The following TTC28 variants were observed in gnomAD, a reference collection of about 807,000 sequenced individuals.
The protein encoded by TTC28 is tetratricopeptide repeat domain 28.
TTC28 carries 61 observed loss-of-function variants against 198.0 expected under a neutral mutation model. That is an observed-to-expected ratio of 0.31 (90% CI 0.25 to 0.38). The LOEUF (loss-of-function observed/expected upper bound fraction) is 0.38. Among genes scored for constraint, TTC28 ranks in the 10% least tolerant of loss-of-function variants. The probability of loss-of-function intolerance (pLI) is 1.00; values close to 1 mark genes in which losing one functional copy is unlikely to be tolerated. For missense variants in TTC28, 2,678 were observed against 3,164.0 expected, an observed-to-expected ratio of 0.85 and a Z score of 3.69; for synonymous variants, 1,171 against 1,297.8, an observed-to-expected ratio of 0.90 and a Z score of 2.10.
At chr22:28,047,469 G>C (rs1411664233) in intron 12 of TTC28, among the ~76,000 whole-genome samples, 3 of 152,184 alleles carry the variant, frequency 2.0e-5, no homozygotes, top group African/African-American at 7.2e-5. Context: ...CAGACGCCAA[G>C]GGCTGAGAAG....
At chr22:28,323,188 A>T (rs1182867295) in intron 2 of TTC28, among the ~76,000 whole-genome samples, 1 of 152,108 alleles carries the variant, frequency 6.6e-6, no homozygotes, top group East Asian at 1.9e-4. Flanking sequence ...TAAATATTTA[A>T]CTCTTCAATG....
intron 13 of TTC28, among the ~76,000 whole-genome samples, chr22:28,020,920 C>T (rs1215923789): frequency 6.6e-6 from 1 of 152,134 alleles, no homozygotes; most frequent in Non-Finnish European, 1.5e-5. Flanking sequence ...ACAGACCTCC[C>T]TGTGGAGTCT....
intron 2 of TTC28, among the ~76,000 whole-genome samples, chr22:28,400,721 A>G (rs1336616366): frequency 6.6e-6 from 1 of 152,234 alleles, no homozygotes; most frequent in African/African-American, 2.4e-5. Context: ...ATTGAGATAT[A>G]TATGAATTTT....
At chr22:28,021,895 G>C (rs1938619931) in intron 13 of TTC28, among the ~76,000 whole-genome samples, 1 of 152,200 alleles carries the variant, frequency 6.6e-6, no homozygotes. Flanking sequence ...AAACTGATAT[G>C]GGGCATCTTC....
chr22:28,662,466 C>T (rs1026373972), intron 1 of TTC28, among the ~76,000 whole-genome samples: 3 of 152,210 alleles, frequency 2.0e-5, no homozygotes, highest in Non-Finnish European at 4.4e-5. Context: ...CTGTACTACA[C>T]TTGTCTCATA....
chr22:28,311,263 T>C (rs557695869), intron 2 of TTC28, among the ~76,000 whole-genome samples: 8 of 150,172 alleles, frequency 5.3e-5, no homozygotes, highest in Non-Finnish European at 8.8e-5. Flanking sequence ...AATTTTCCCT[T>C]TATTTTAAAG....
chr22:28,455,123 A>G (rs771144141), intron 2 of TTC28, among the ~76,000 whole-genome samples: 2 of 152,120 alleles, frequency 1.3e-5, no homozygotes, highest in African/African-American at 2.4e-5. Context: ...AGAAGATCCA[A>G]CCCCCACAAC....
intron 2 of TTC28, among the ~76,000 whole-genome samples, chr22:28,488,006 C>T (rs780376901): frequency 4.6e-5 from 7 of 152,122 alleles, no homozygotes; most frequent in Admixed American, 6.5e-5. Flanking sequence ...TTCCACCAGA[C>T]GCTCCTGCGC....
At chr22:28,042,722 T>TAA (rs56978450) in intron 12 of TTC28, among the ~76,000 whole-genome samples, 1 of 139,182 alleles carries the variant, frequency 7.2e-6, no homozygotes. Context: ...GAACTTAAAT[T>TAA]AAAAAAAAAA....
chr22:28,236,487 T>C (rs541403610), intron 5 of TTC28, among the ~76,000 whole-genome samples: 1 of 152,180 alleles, frequency 6.6e-6, no homozygotes, highest in East Asian at 1.9e-4. Context: ...TTCATGACCC[T>C]ATTGATAGTG....
intron 2 of TTC28, among the ~76,000 whole-genome samples, chr22:28,310,569 T>C (rs1569252855): frequency 6.6e-6 from 1 of 152,124 alleles, no homozygotes; most frequent in Non-Finnish European, 1.5e-5. Flanking sequence ...AATAACCTAA[T>C]ATTCTACTCT....
At chr22:28,046,179 C>T (rs1012536296) in intron 12 of TTC28, among the ~76,000 whole-genome samples, 1 of 152,172 alleles carries the variant, frequency 6.6e-6, no homozygotes, top group African/African-American at 2.4e-5. Flanking sequence ...AGTGTAGTAA[C>T]TTCATCTACT....
chr22:28,106,114 G>A (rs1448733880), intron 7 of TTC28, among the ~76,000 whole-genome samples: 1 of 152,130 alleles, frequency 6.6e-6, no homozygotes, highest in Non-Finnish European at 1.5e-5. Context: ...GGTTCTTCAG[G>A]CCTCCCAATT....
In TTC28 at chr22:27,983,447, G is replaced by A. The variant is rs1371756457; in HGVS notation, c.6220C>T (p.Arg2074Ter). The A allele has an allele frequency of 3.2e-6, 5 of 1,546,396 alleles. No individual in the cohort carries two copies. Among genetic ancestry groups the A allele is most frequent in the Admixed American group, 2.0e-5 (1 of 49,310 alleles). ...TGGTCTGGTGAGAAGCATGTGTTTC[G>A]GTTTTCTTGGTAGGTCGCCAAGGGC... ...NEPLATYQEN[R>*]NTCFSPDHKQ... The change falls in exon 23 of 23, where the codon CGA (arginine) becomes TGA (stop). Residue 2074 changes from arginine (R) to a stop codon, truncating the protein, a stop_gained. Coordinates refer to ENST00000397906, the MANE Select transcript of TTC28 (RefSeq NM_001145418.2). LOFTEE classifies it low-confidence loss of function (END_TRUNC).
chr22:28,228,832 T>C (rs1055581584), intron 5 of TTC28, among the ~76,000 whole-genome samples: 3 of 152,178 alleles, frequency 2.0e-5, no homozygotes, highest in African/African-American at 7.2e-5. Context: ...AATCAATAAA[T>C]GGAATATAAA....
intron 12 of TTC28, among the ~76,000 whole-genome samples, chr22:28,036,953 T>G (rs1038598912): frequency 1.3e-5 from 2 of 152,062 alleles, no homozygotes; most frequent in Non-Finnish European, 2.9e-5. Flanking sequence ...ACATACACCC[T>G]CCCAAGACTA....
At chr22:28,196,871 C>A (rs1171549864) in intron 5 of TTC28, among the ~76,000 whole-genome samples, 1 of 152,112 alleles carries the variant, frequency 6.6e-6, no homozygotes, top group Non-Finnish European at 1.5e-5. Context: ...GGTGATTCCT[C>A]AGGGATCTAG....
At chr22:28,003,847 G>A (rs1395347502) in intron 14 of TTC28, among the ~76,000 whole-genome samples, 1 of 152,186 alleles carries the variant, frequency 6.6e-6, no homozygotes, top group Non-Finnish European at 1.5e-5. Context: ...CACCAGGGGT[G>A]GGGGGCATCT....
At chr22:28,069,292 C>T (rs1349685440) in intron 12 of TTC28, among the ~76,000 whole-genome samples, 1 of 152,186 alleles carries the variant, frequency 6.6e-6, no homozygotes, top group Non-Finnish European at 1.5e-5. Flanking sequence ...GGACAATTCA[C>T]TGAAGAGTTC....
Sources: gnomAD v4.1 joint callset for allele counts (sites outside exome capture counted in the v4.1 genomes callset) on GRCh38, gnomAD v4.1.1 for gene constraint, MANE v1.5 for transcripts, NCBI Gene and HGNC (gene_info 2026-07-23, HGNC 2026-07-21) for gene names.